The following DCBLD2 variants were observed in gnomAD, a reference collection of about 807,000 sequenced individuals.
DCBLD2 encodes the protein discoidin, CUB and LCCL domain containing 2.
A neutral mutation model predicts 86.8 loss-of-function variants in DCBLD2; 54 were observed. That is an observed-to-expected ratio of 0.62 (90% confidence interval 0.50 to 0.78). DCBLD2 has a LOEUF of 0.78. DCBLD2 is among the 30% of genes least tolerant of loss of function. The pLI is 0.00. For missense variants in DCBLD2, 908 were observed against 954.2 expected (o/e 0.95, Z 0.64); for synonymous variants, 354 against 341.3 (o/e 1.04, Z -0.41).
At chr3:98,821,891 CAA>C (rs1942125885) in intron 6 of DCBLD2, among the ~76,000 whole-genome samples, 2 of 152,092 alleles carry the variant, frequency 1.3e-5, no homozygotes, top group Non-Finnish European at 2.9e-5. Flanking sequence ...ACTAAAAATA[CAA>C]AAGTTAGCCA....
chr3:98,804,701 A>G (rs1274890299), intron 13 of DCBLD2, among the ~76,000 whole-genome samples: 1 of 152,190 alleles, frequency 6.6e-6, no homozygotes, highest in Non-Finnish European at 1.5e-5. Flanking sequence ...ATTTCCCTCT[A>G]CACACTGCTT....
chr3:98,896,806 AACAATCAC>A (rs1384054950), intron 1 of DCBLD2, among the ~76,000 whole-genome samples: 1 of 152,234 alleles, frequency 6.6e-6, no homozygotes, highest in Non-Finnish European at 1.5e-5. Context: ...TTCATATTTC[AACAATCAC>A]ACTTAGCAAA....
At chr3:98,815,539 A>C (rs1942005213) in intron 9 of DCBLD2, 1 of 152,230 alleles carries the variant, frequency 6.6e-6, no homozygotes. Flanking sequence ...CATCCAATAA[A>C]AAAAATTCGG....
At position 98,819,427 on chromosome 3, in the gene DCBLD2, A is replaced by G; in HGVS notation, c.872-10T>C. On this transcript the variant is annotated splice_polypyrimidine_tract_variant and intron_variant, in intron 7 of 15. Transcript: ENST00000326840. ...AGTGTTCCATAACATCCTGAAACAA[A>G]GAAAAGACTAAATTTGGTTTCCAGG... The G allele has an allele frequency of 6.2e-7, 1 of 1,613,016 alleles. No individual in the cohort carries two copies. The highest frequency in any genetic ancestry group is 1.1e-5 in the South Asian group (1 of 90,946).
intron 3 of DCBLD2, among the ~76,000 whole-genome samples, chr3:98,849,226 T>A (rs1031874566): frequency 5.3e-5 from 8 of 151,820 alleles, no homozygotes; most frequent in Admixed American, 3.3e-4. Flanking sequence ...ATAAAAAAAA[T>A]CAGCATTTCA....
chr3:98,858,548 A>G (rs2107494714), intron 2 of DCBLD2, among the ~76,000 whole-genome samples: 1 of 152,378 alleles, frequency 6.6e-6, no homozygotes, highest in South Asian at 2.1e-4. Context: ...AAAAATAGGC[A>G]TATAGGATTA....
intron 3 of DCBLD2, among the ~76,000 whole-genome samples, chr3:98,844,138 T>C (rs185449051): frequency 7.4e-4 from 112 of 152,070 alleles, no homozygotes; most frequent in African/African-American, 2.6e-3. Context: ...TATATTTCTT[T>C]TGAGTTCACT....
intron 3 of DCBLD2, among the ~76,000 whole-genome samples, chr3:98,844,752 A>G (rs1942689200): frequency 6.6e-6 from 1 of 152,348 alleles, no homozygotes; most frequent in South Asian, 2.1e-4. Context: ...TAACACCAGC[A>G]GTAACTCAGG....
intron 2 of DCBLD2, among the ~76,000 whole-genome samples, chr3:98,870,529 A>T (rs544577963): frequency 6.6e-6 from 1 of 151,542 alleles, no homozygotes; most frequent in South Asian, 2.1e-4. Context: ...GCTGCTTGGG[A>T]GGCTAAGGCA....
intron 2 of DCBLD2, among the ~76,000 whole-genome samples, chr3:98,869,585 T>C (rs1167231429): frequency 6.6e-6 from 1 of 152,222 alleles, no homozygotes; most frequent in Non-Finnish European, 1.5e-5. Flanking sequence ...ACCCTTTTCC[T>C]GTTTTCAAAA....
rs750995343 is a variant in DCBLD2 at position 98,901,227 on chromosome 3, G to C, written c.100C>G (p.Arg34Gly). ...APAWAALPLS[R>G]SLPPCSNSSS... Reference sequence around the variant, plus strand: ...GAGTTGGAGCAGGGAGGGAGGGAGCGGGAGAGGGGGAGCGCGGCCCAGGCG... The same window carrying C: ...GAGTTGGAGCAGGGAGGGAGGGAGCCGGAGAGGGGGAGCGCGGCCCAGGCG... The change falls in exon 1 of 16, where the codon CGC becomes GGC. Residue 34 changes from arginine (R) to glycine (G), a missense_variant. Physicochemically the swap from Arg to Gly is moderately radical, Grantham distance 125. This residue lies in a region of DCBLD2 where 294 missense variants were observed against 256.0 expected (regional missense o/e 1.15). Transcript: ENST00000326840. The C allele has an allele frequency of 6.5e-7, 1 of 1,535,032 alleles. No homozygotes were observed. Among genetic ancestry groups the C allele is most frequent in the South Asian group, 1.2e-5 (1 of 83,990 alleles).
intron 2 of DCBLD2, among the ~76,000 whole-genome samples, chr3:98,880,069 C>T (rs1258094465): frequency 6.6e-6 from 1 of 152,196 alleles, no homozygotes; most frequent in Non-Finnish European, 1.5e-5. Context: ...GTTCCTAAAA[C>T]TTTGTTCAAC....
At chr3:98,855,911 T>C (rs905966231) in intron 2 of DCBLD2, among the ~76,000 whole-genome samples, 1 of 152,292 alleles carries the variant, frequency 6.6e-6, no homozygotes, top group Middle Eastern at 3.4e-3. Flanking sequence ...TAAAACATCT[T>C]GAAAAGGTAG....
At chr3:98,863,548 AAAT>A (rs1352224829) in intron 2 of DCBLD2, among the ~76,000 whole-genome samples, 1 of 152,234 alleles carries the variant, frequency 6.6e-6, no homozygotes, top group Admixed American at 6.5e-5. Context: ...GAGCCCTCAG[AAAT>A]AATACCATAC....
intron 12 of DCBLD2, among the ~76,000 whole-genome samples, chr3:98,808,381 C>T (rs939639798): frequency 2.0e-5 from 3 of 152,230 alleles, no homozygotes; most frequent in Non-Finnish European, 4.4e-5. Context: ...TTCATTCCAT[C>T]TGTGTAGAGA....
At chr3:98,891,051 C>T (rs984986189) in intron 1 of DCBLD2, among the ~76,000 whole-genome samples, 7 of 151,982 alleles carry the variant, frequency 4.6e-5, no homozygotes, top group African/African-American at 1.7e-4. Flanking sequence ...GACCCCTGTC[C>T]TTACAGAGTT....
chr3:98,843,510 C>A (rs1044839271), intron 3 of DCBLD2, among the ~76,000 whole-genome samples: 1 of 152,056 alleles, frequency 6.6e-6, no homozygotes, highest in Non-Finnish European at 1.5e-5. Context: ...AAAAAAATAA[C>A]CGGTTACAGA....
intron 2 of DCBLD2, among the ~76,000 whole-genome samples, chr3:98,860,248 T>C (rs955891594): frequency 6.6e-5 from 10 of 152,176 alleles, no homozygotes; most frequent in African/African-American, 2.2e-4. Context: ...CTACGTCTGA[T>C]TGGTGTACCT....
intron 7 of DCBLD2, 123 bp downstream of exon 7, chr3:98,820,125 C>T: frequency 4.0e-6 from 2 of 499,912 alleles, no homozygotes; most frequent in Admixed American, 4.4e-5. Flanking sequence ...AACTATCTTA[C>T]CTCATAGTGT....
Sources: allele counts gnomAD v4.1 joint callset (sites outside exome capture counted in the v4.1 genomes callset), GRCh38; gene constraint gnomAD v4.1.1; regional missense constraint gnomAD v4.1.1; transcripts MANE v1.5; gene names NCBI Gene and HGNC (gene_info 2026-07-23, HGNC 2026-07-21).